GPC5: variants seen among roughly 807,000 people sequenced by gnomAD.
GPC5 encodes glypican-5.
In GPC5, 47 loss-of-function variants were observed where a neutral mutation model predicts 53.9. The ratio of observed to expected loss-of-function variants is 0.87; its 90% CI spans 0.69 to 1.11. The LOEUF is 1.11. GPC5 is among the 50% of genes most tolerant of loss of function. The pLI is 0.00. For missense variants in GPC5, 748 were observed against 713.1 expected, an observed-to-expected ratio of 1.05 and a Z score of -0.56; for synonymous variants, 286 against 263.3, an observed-to-expected ratio of 1.09 and a Z score of -0.84.
At chr13:92,149,738 C>T (rs1229113255) in intron 7 of GPC5, among the ~76,000 whole-genome samples, 1 of 151,942 alleles carries the variant, frequency 6.6e-6, no homozygotes, top group Non-Finnish European at 1.5e-5. Flanking sequence ...CATAAATCAC[C>T]TTCACTTCAA....
rs1314087893 is a variant in GPC5, at chr13:92,729,314, G to A, written c.1562-136968G>A. Among the ~76,000 whole-genome samples, 3 of 151,280 alleles carry A rather than the reference G, an allele frequency of 2.0e-5. No individual in the cohort carries two copies. In the Admixed American group the frequency reaches 2.0e-4, roughly 10 times the overall value. On this transcript the variant is annotated intron_variant, in intron 7 of 7. Transcript: ENST00000377067. ...AACCCCTAGATCCACGCTATTCAAT[G>A]TGGTAGCCACTAACTACATATGTCT...
intron 6 of GPC5, among the ~76,000 whole-genome samples, chr13:92,122,351 G>A (rs1245722561): frequency 1.3e-5 from 2 of 151,518 alleles, no homozygotes; most frequent in African/African-American, 2.4e-5. Context: ...GGCCTCAAAG[G>A]CTCAGATGTC....
chr13:92,667,821 T>C (rs182151225), intron 7 of GPC5, among the ~76,000 whole-genome samples: 1 of 152,206 alleles, frequency 6.6e-6, no homozygotes, highest in African/African-American at 2.4e-5. Context: ...CAATGACTAT[T>C]CAGCAACTTT....
At chr13:92,741,649 C>T (rs1322061438) in intron 7 of GPC5, among the ~76,000 whole-genome samples, 2 of 152,016 alleles carry the variant, frequency 1.3e-5, no homozygotes, top group African/African-American at 4.8e-5. Context: ...AGGTTTGTTA[C>T]ATATGTATAC....
At chr13:92,744,588 C>T (rs1889195066) in intron 7 of GPC5, among the ~76,000 whole-genome samples, 1 of 150,804 alleles carries the variant, frequency 6.6e-6, no homozygotes, top group African/African-American at 2.4e-5. Flanking sequence ...AAAGAAACTG[C>T]CAAGGAGATA....
chr13:91,662,539 G>T (rs905820072), intron 2 of GPC5, among the ~76,000 whole-genome samples: 20 of 151,650 alleles, frequency 1.3e-4, no homozygotes, highest in South Asian at 2.1e-4. Flanking sequence ...AGTATGAGAA[G>T]AATTTTTCCC....
chr13:91,746,129 A>G (rs954832874), intron 4 of GPC5, among the ~76,000 whole-genome samples: 2 of 152,318 alleles, frequency 1.3e-5, no homozygotes, highest in Admixed American at 1.3e-4. Context: ...CAGGAGACTG[A>G]CATTTTAAAC....
intron 7 of GPC5, among the ~76,000 whole-genome samples, chr13:92,731,501 G>C (rs1462697465): frequency 4.6e-5 from 7 of 151,406 alleles, no homozygotes; most frequent in Non-Finnish European, 1.0e-4. Context: ...ACAGATGGGG[G>C]AGAATTAAGA....
At chr13:91,495,829 CCTGA>C in intron 2 of GPC5, among the ~76,000 whole-genome samples, 1 of 152,268 alleles carries the variant, frequency 6.6e-6, no homozygotes, top group East Asian at 1.9e-4. Context: ...TAGAGACCAG[CCTGA>C]CTAACAGGGT....
intron 6 of GPC5, among the ~76,000 whole-genome samples, chr13:92,071,005 A>G (rs1389416558): frequency 2.0e-5 from 3 of 152,188 alleles, no homozygotes; most frequent in Admixed American, 6.5e-5. Context: ...TGGGAGGCTG[A>G]GGCGGGCGGA....
chr13:92,139,566 CT>C (rs2041813329), intron 6 of GPC5, among the ~76,000 whole-genome samples: 1 of 147,820 alleles, frequency 6.8e-6, no homozygotes, highest in African/African-American at 2.5e-5. Flanking sequence ...ACTTGGGAGG[CT>C]TAGGCAGGAC....
chr13:92,698,887 G>C (rs1030538533), intron 7 of GPC5, among the ~76,000 whole-genome samples: 5 of 152,070 alleles, frequency 3.3e-5, no homozygotes, highest in African/African-American at 1.2e-4. Flanking sequence ...ATCTCATTGT[G>C]GTTTTGATTT....
intron 7 of GPC5, among the ~76,000 whole-genome samples, chr13:92,481,348 A>G (rs758591304): frequency 3.3e-5 from 5 of 151,990 alleles, no homozygotes; most frequent in Admixed American, 6.6e-5. Context: ...TGATCCGCCC[A>G]CCTTGGCCTC....
intron 3 of GPC5, chr13:91,725,074 A>G (rs1421551868): frequency 6.6e-6 from 1 of 152,242 alleles, no homozygotes; most frequent in African/African-American, 2.4e-5. Flanking sequence ...AGAATGGGGA[A>G]AGTCAGCTAA....
intron 7 of GPC5, among the ~76,000 whole-genome samples, chr13:92,159,685 C>T (rs1299093984): frequency 7.0e-6 from 1 of 143,096 alleles, no homozygotes; most frequent in Non-Finnish European, 1.5e-5. Flanking sequence ...TCACTGCAAG[C>T]TCCGCCTCCC....
chr13:91,517,758 A>G (rs1454710648), intron 2 of GPC5, among the ~76,000 whole-genome samples: 1 of 152,178 alleles, frequency 6.6e-6, no homozygotes, highest in East Asian at 1.9e-4. Flanking sequence ...ACAGTTCCCC[A>G]TGGGTGGGGA....
intron 6 of GPC5, among the ~76,000 whole-genome samples, chr13:91,964,094 T>C (rs566072904): frequency 2.0e-5 from 3 of 152,302 alleles, no homozygotes; most frequent in Non-Finnish European, 4.4e-5. Flanking sequence ...CCAGAGTTTT[T>C]TCCTTCTGAT....
intron 3 of GPC5, among the ~76,000 whole-genome samples, chr13:91,703,653 T>C (rs1317313624): frequency 6.6e-6 from 1 of 152,200 alleles, no homozygotes; most frequent in African/African-American, 2.4e-5. Flanking sequence ...AGGGTAATGC[T>C]GGCCTTATAA....
intron 7 of GPC5, among the ~76,000 whole-genome samples, chr13:92,489,976 C>T (rs914035730): frequency 1.3e-5 from 2 of 151,896 alleles, no homozygotes; most frequent in South Asian, 2.1e-4. Context: ...ATATTTGTCC[C>T]TAAACATTAT....
Sources: gnomAD v4.1 joint callset for allele counts (sites outside exome capture counted in the v4.1 genomes callset) on GRCh38, gnomAD v4.1.1 for gene constraint, MANE v1.5 for transcripts, NCBI Gene and HGNC (gene_info 2026-07-23, HGNC 2026-07-21) for gene names.